PDS5B: variants seen among roughly 807,000 people sequenced by gnomAD.
PDS5B encodes the protein PDS5 cohesin associated factor B.
PDS5B carries 51 observed loss-of-function variants against 184.1 expected under a neutral mutation model. That is an observed-to-expected ratio of 0.28 (90% CI 0.22 to 0.35). PDS5B has a LOEUF of 0.35. PDS5B is among the 10% of genes least tolerant of loss of function. PDS5B has a pLI of 1.00. For missense variants in PDS5B, 1,180 were observed against 1,723.3 expected (o/e 0.68, Z 5.58); for synonymous variants, 566 against 569.2 (o/e 0.99, Z 0.08).
At chr13:32,605,611 A>G (rs1041791610) in intron 1 of PDS5B, among the ~76,000 whole-genome samples, 7 of 152,148 alleles carry the variant, frequency 4.6e-5, no homozygotes, top group Admixed American at 4.6e-4. Context: ...AGGTTAGTTC[A>G]AGTCCTGGAT....
chr13:32,736,926 T>TACAC (rs1953351238), intron 21 of PDS5B, among the ~76,000 whole-genome samples: 1 of 152,162 alleles, frequency 6.6e-6, no homozygotes, highest in African/African-American at 2.4e-5. Context: ...ATTTCACATA[T>TACAC]ATACACATAC....
intron 1 of PDS5B, among the ~76,000 whole-genome samples, chr13:32,625,109 C>G (rs767420170): frequency 6.6e-6 from 1 of 152,094 alleles, no homozygotes; most frequent in African/African-American, 2.4e-5. Flanking sequence ...TTCATTCATT[C>G]GCTCATTCAT....
chr13:32,641,807 AC>A (rs1014715422), intron 1 of PDS5B, among the ~76,000 whole-genome samples: 1 of 152,094 alleles, frequency 6.6e-6, no homozygotes, highest in Non-Finnish European at 1.5e-5. Context: ...CTCATTTTAC[AC>A]TTTTTTTCTA....
At chr13:32,692,711 A>G (rs2140843535) in intron 13 of PDS5B, among the ~76,000 whole-genome samples, 1 of 152,104 alleles carries the variant, frequency 6.6e-6, no homozygotes, top group African/African-American at 2.4e-5. Context: ...CTAATATTAA[A>G]TAGAGATTTT....
chr13:32,758,967 T>G (rs1954281246), intron 28 of PDS5B, among the ~76,000 whole-genome samples: 1 of 152,092 alleles, frequency 6.6e-6, no homozygotes, highest in African/African-American at 2.4e-5. Flanking sequence ...AGTCTGAAGT[T>G]AAAAGCCCTT....
At chr13:32,650,479 A>G (rs968038017) in intron 2 of PDS5B, 2 of 151,998 alleles carry the variant, frequency 1.3e-5, no homozygotes, top group African/African-American at 4.8e-5. Context: ...TGTTTATAAA[A>G]TTTTTTTTCC....
At position 32,597,558 on chromosome 13, in the gene PDS5B, G is replaced by T. The variant is rs576608017; in HGVS notation, c.-20+10965G>T. ...AAAAAGAAAGAGGCCGGGCGCAGTG[G>T]CCCATGCCTGTAATCCGAGCACTTT... On this transcript the variant is annotated intron_variant, in intron 1 of 34. Coordinates refer to ENST00000315596, the MANE Select transcript of PDS5B (RefSeq NM_015032.4). Among the ~76,000 whole-genome samples, 588 of 149,278 alleles carry T rather than the reference G, an allele frequency of 3.9e-3. 4 individuals are homozygous for T. The highest frequency in any genetic ancestry group is 0.02 in the Middle Eastern group (6 of 294).
intron 19 of PDS5B, among the ~76,000 whole-genome samples, chr13:32,725,278 C>T (rs534823191): frequency 9.2e-5 from 14 of 152,252 alleles, no homozygotes; most frequent in South Asian, 8.3e-4. Flanking sequence ...AAAATCATAA[C>T]GGGTTTACGC....
intron 6 of PDS5B, among the ~76,000 whole-genome samples, chr13:32,662,224 T>C (rs1950669197): frequency 6.6e-6 from 1 of 152,134 alleles, no homozygotes; most frequent in African/African-American, 2.4e-5. Context: ...AAGAAGAGTT[T>C]TATATAATGA....
intron 18 of PDS5B, among the ~76,000 whole-genome samples, chr13:32,708,006 G>A (rs1047974402): frequency 2.6e-5 from 4 of 151,850 alleles, no homozygotes; most frequent in South Asian, 2.1e-4. Context: ...GCAATACCCC[G>A]GAGTTACTGT....
intron 24 of PDS5B, among the ~76,000 whole-genome samples, chr13:32,751,860 A>G (rs1277379664): frequency 1.3e-5 from 2 of 152,164 alleles, no homozygotes; most frequent in African/African-American, 4.8e-5. Context: ...TCTTTAGTTT[A>G]GACTACTTCT....
chr13:32,627,620 AAG>A (rs1302018498), intron 1 of PDS5B, among the ~76,000 whole-genome samples: 7 of 152,276 alleles, frequency 4.6e-5, no homozygotes, highest in East Asian at 3.9e-4. Flanking sequence ...TGAAGGAAAA[AAG>A]AGAAAAATTA....
chr13:32,600,092 A>G lies in PDS5B; in HGVS notation c.-20+13499A>G, dbSNP rs186259824. ...GTGCAGTGAAGCCTGTTTTCAGTGA[A>G]TGCACCCTTCAGTTACAGTATTTTG... On this transcript the variant is annotated intron_variant, in intron 1 of 34. Coordinates refer to ENST00000315596, the MANE Select transcript of PDS5B (RefSeq NM_015032.4). 2.0e-5 allele frequency among the ~76,000 whole-genome samples: 3 copies of G among 152,276 alleles called. No individual in the cohort carries two copies. The East Asian group carries it at 5.8e-4, about 29-fold the overall frequency.
intron 1 of PDS5B, among the ~76,000 whole-genome samples, chr13:32,642,948 C>T (rs1271326254): frequency 1.3e-5 from 2 of 151,932 alleles, no homozygotes; most frequent in Non-Finnish European, 2.9e-5. Context: ...ATTTTGAGAC[C>T]CATTTTACGT....
chr13:32,706,043 A>G (rs1215136398), intron 17 of PDS5B, among the ~76,000 whole-genome samples: 1 of 152,000 alleles, frequency 6.6e-6, no homozygotes, highest in African/African-American at 2.4e-5. Context: ...TTTGAGAGGC[A>G]AAGGCGGGCA....
rs1555296358 is a variant in PDS5B, at chr13:32,655,375, T to TATATATATATATATATATA, written c.313-2864_313-2863insATATATATATATATATATA. ...GTTCTTTGCCATATATATATATATA[T>TATATATATATATATATATA]TTTTTTTTTTTTTTTTTTTTTTAGA... On this transcript the variant is annotated intron_variant, in intron 3 of 34. Coordinates refer to ENST00000315596, the MANE Select transcript of PDS5B (RefSeq NM_015032.4). Among the ~76,000 whole-genome samples the TATATATATATATATATATA allele has an allele frequency of 2.2e-4, 11 of 50,870 alleles. 1 individual carries two copies. The highest frequency in any genetic ancestry group is 1.4e-3 in the East Asian group (1 of 706). The allele number at this position is 50,870 out of a possible 152,430, so 33.4% of individuals were successfully genotyped here. A position where few individuals can be genotyped will look rare whatever the true frequency, so the allele number is the denominator to read the frequency against.
chr13:32,642,900 A>T (rs1950134887), intron 1 of PDS5B, among the ~76,000 whole-genome samples: 1 of 152,070 alleles, frequency 6.6e-6, no homozygotes, highest in African/African-American at 2.4e-5. Context: ...ATCAACTGTG[A>T]TTCACTTATT....
chr13:32,707,371 TTCTG>T lies in PDS5B; in HGVS notation c.1962+336_1962+339del, dbSNP rs376554748. On this transcript the variant is annotated intron_variant, in intron 18 of 34. Transcript: ENST00000315596. Reference sequence around the variant, plus strand: ...TTATTTTTTTTTGTTTCATAAAATATTCTGTCTTTTACTGATTGTAAAAATATTA... The same window carrying T: ...TTATTTTTTTTTGTTTCATAAAATATTCTTTTACTGATTGTAAAAATATTA... Among the ~76,000 whole-genome samples the T allele has an allele frequency of 7.4e-3, 1,131 of 152,162 alleles. 8 individuals are homozygous for T. The highest frequency in any genetic ancestry group is 0.017 in the African/African-American group (688 of 41,534).
intron 21 of PDS5B, among the ~76,000 whole-genome samples, chr13:32,736,692 T>C (rs1338590687): frequency 2.6e-5 from 4 of 152,132 alleles, no homozygotes; most frequent in Non-Finnish European, 4.4e-5. Flanking sequence ...TCTTTACATA[T>C]ACGATTTCTG....
Sources: allele counts gnomAD v4.1 joint callset (sites outside exome capture counted in the v4.1 genomes callset), GRCh38; gene constraint gnomAD v4.1.1; transcripts MANE v1.5; gene names NCBI Gene and HGNC (gene_info 2026-07-23, HGNC 2026-07-21).